COMMD1: variants seen among roughly 807,000 people sequenced by gnomAD.
The protein encoded by COMMD1 is copper metabolism domain containing 1.
In COMMD1, 10 loss-of-function variants were observed where a neutral mutation model predicts 17.2. The observed-to-expected ratio is 0.58, with a 90% CI of 0.36 to 0.99. COMMD1 has a LOEUF of 0.99. Among genes scored for constraint, COMMD1 ranks in the 50% least tolerant of loss-of-function variants. The pLI, the probability that COMMD1 is intolerant of heterozygous loss-of-function variation, is 0.01. For missense variants in COMMD1, 270 were observed against 231.8 expected (o/e 1.17, Z -1.07); for synonymous variants, 97 against 91.6 (o/e 1.06, Z -0.34).
intron 1 of COMMD1, among the ~76,000 whole-genome samples, chr2:61,914,801 G>A (rs942595829): frequency 6.6e-6 from 1 of 150,638 alleles, no homozygotes; most frequent in African/African-American, 2.4e-5. Flanking sequence ...AGCGATTCTC[G>A]TGTCTCAGCC....
intron 1 of COMMD1, among the ~76,000 whole-genome samples, chr2:61,908,259 G>A (rs955470119): frequency 4.2e-4 from 59 of 140,324 alleles, no homozygotes; most frequent in Non-Finnish European, 8.2e-4. Context: ...ACGGAGTCTC[G>A]TTCTGTTGCC....
At chr2:62,076,218 A>G (rs978259216) in intron 2 of COMMD1, among the ~76,000 whole-genome samples, 1 of 151,478 alleles carries the variant, frequency 6.6e-6, no homozygotes. Flanking sequence ...GCAATAATGA[A>G]TCAGATTCCT....
At chr2:62,110,354 G>A (rs1298659379) in intron 2 of COMMD1, among the ~76,000 whole-genome samples, 1 of 152,132 alleles carries the variant, frequency 6.6e-6, no homozygotes, top group Non-Finnish European at 1.5e-5. Context: ...ACAGGCATGA[G>A]CCACCACACC....
intron 1 of COMMD1, among the ~76,000 whole-genome samples, chr2:61,945,970 T>G (rs977340067): frequency 6.6e-5 from 10 of 152,226 alleles, no homozygotes; most frequent in African/African-American, 2.4e-4. Flanking sequence ...TGCATTAATG[T>G]TGATGCTAGA....
intron 2 of COMMD1, among the ~76,000 whole-genome samples, chr2:62,005,878 A>G (rs1301820220): frequency 1.3e-5 from 2 of 151,700 alleles, no homozygotes; most frequent in Non-Finnish European, 2.9e-5. Context: ...TCATGCTGCT[A>G]TAAAGACACA....
chr2:62,128,335 G>GA (rs55646038), intron 2 of COMMD1, among the ~76,000 whole-genome samples: 43,214 of 123,864 alleles, frequency 0.35, 6,509 homozygotes, highest in Non-Finnish European at 0.39. Context: ...CTAAAAAAAA[G>GA]AAAAAAAAAA....
At chr2:62,062,574 G>A (rs187282993) in intron 2 of COMMD1, among the ~76,000 whole-genome samples, 4 of 151,890 alleles carry the variant, frequency 2.6e-5, no homozygotes, top group African/African-American at 9.7e-5. Flanking sequence ...CCTGACCAGT[G>A]GTTTTTGCCT....
At position 61,943,594 on chromosome 2, in the gene COMMD1, G is replaced by T. The variant is rs370880854; in HGVS notation, c.180+37736G>T. Among the ~76,000 whole-genome samples, 10 of 152,294 alleles carry T rather than the reference G, an allele frequency of 6.6e-5. No homozygotes were observed. In the East Asian group the frequency reaches 1.4e-3, roughly 21 times the overall value. ...TCACGCCTGTAATCTCAACACTTTG[G>T]GAGGCTGAGGCAGGTGGATCACTTG... On this transcript the variant is annotated intron_variant, in intron 1 of 2. Transcript: ENST00000311832.
chr2:61,950,400 G>A (rs1459562614), intron 1 of COMMD1, among the ~76,000 whole-genome samples: 2 of 152,226 alleles, frequency 1.3e-5, no homozygotes, highest in African/African-American at 2.4e-5. Flanking sequence ...GTTTATTTAT[G>A]TGTGTCATGG....
chr2:62,013,093 C>A (rs1208397598), intron 2 of COMMD1, among the ~76,000 whole-genome samples: 1 of 152,026 alleles, frequency 6.6e-6, no homozygotes, highest in Non-Finnish European at 1.5e-5. Flanking sequence ...ATAGGATTGC[C>A]TTGATTCACC....
At chr2:62,007,509 A>G (rs748035036) in intron 2 of COMMD1, among the ~76,000 whole-genome samples, 20 of 152,234 alleles carry the variant, frequency 1.3e-4, no homozygotes, top group Non-Finnish European at 1.8e-4. Context: ...TCACTGATGG[A>G]TCACATATAC....
At chr2:62,080,371 T>A (rs554153399) in intron 2 of COMMD1, among the ~76,000 whole-genome samples, 3 of 152,158 alleles carry the variant, frequency 2.0e-5, no homozygotes, top group Admixed American at 2.0e-4. Flanking sequence ...CCCAGTAGAG[T>A]TGGCTGAAAA....
At chr2:62,025,781 A>G (rs1362020288) in intron 2 of COMMD1, among the ~76,000 whole-genome samples, 2 of 152,068 alleles carry the variant, frequency 1.3e-5, no homozygotes, top group African/African-American at 4.8e-5. Context: ...CTCCACCTCC[A>G]GGGTTCAAGC....
intron 2 of COMMD1, among the ~76,000 whole-genome samples, chr2:62,115,763 A>G (rs1672572728): frequency 6.6e-6 from 1 of 152,112 alleles, no homozygotes; most frequent in African/African-American, 2.4e-5. Context: ...AGTAAAATGT[A>G]AACAATGGAA....
At position 62,042,663 on chromosome 2, in the gene COMMD1, C is replaced by T. The variant is rs1183383509; in HGVS notation, c.462+41681C>T. On this transcript the variant is annotated intron_variant, in intron 2 of 2. Coordinates refer to ENST00000311832, the MANE Select transcript of COMMD1 (RefSeq NM_152516.4). ...CTCTGGCCTCAGCCAGCCCCGGCGA[C>T]GGGCTGAAGGGCTCCTCGAGCGCAG... Among the ~76,000 whole-genome samples the T allele has an allele frequency of 5.3e-5, 8 of 152,228 alleles. No individual in the cohort carries two copies. In the South Asian group the frequency reaches 1.2e-3, roughly 24 times the overall value.
intron 2 of COMMD1, among the ~76,000 whole-genome samples, chr2:62,124,465 G>T (rs1242151704): frequency 6.6e-6 from 1 of 152,232 alleles, no homozygotes; most frequent in East Asian, 1.9e-4. Flanking sequence ...ACAGGTGGCA[G>T]AAGAGAAGCA....
intron 2 of COMMD1, among the ~76,000 whole-genome samples, chr2:62,034,796 TA>T (rs529251039): frequency 6.0e-5 from 9 of 149,338 alleles, no homozygotes; most frequent in Non-Finnish European, 1.2e-4. Flanking sequence ...GAAACAGTTT[TA>T]AAAAAAAAAG....
At chr2:61,997,977 T>C (rs1210450738) in intron 1 of COMMD1, among the ~76,000 whole-genome samples, 2 of 152,268 alleles carry the variant, frequency 1.3e-5, no homozygotes, top group African/African-American at 4.8e-5. Context: ...TCTGGATAAC[T>C]TGCTGCAGCT....
intron 1 of COMMD1, among the ~76,000 whole-genome samples, chr2:61,960,669 A>T (rs1558537816): frequency 6.6e-6 from 1 of 152,192 alleles, no homozygotes; most frequent in Non-Finnish European, 1.5e-5. Flanking sequence ...TTTAGCTAAC[A>T]TCATGTCTAG....
Sources: allele counts gnomAD v4.1 joint callset (sites outside exome capture counted in the v4.1 genomes callset), GRCh38; gene constraint gnomAD v4.1.1; transcripts MANE v1.5; gene names NCBI Gene and HGNC (gene_info 2026-07-23, HGNC 2026-07-21).